Variants in IPP observed in about 807,000 individuals in gnomAD.
The protein encoded by IPP is intracisternal A particle-promoted polypeptide, also known as actin-binding protein IPP.
Under a neutral mutation model 64.1 loss-of-function variants are expected in IPP, and 41 were observed. The observed-to-expected ratio is 0.64, with a 90% CI of 0.50 to 0.83. IPP has a LOEUF of 0.83. Among genes scored for constraint, IPP ranks in the 40% least tolerant of loss-of-function variants. IPP has a pLI of 0.00. For missense variants in IPP, 649 were observed against 703.0 expected (o/e 0.92, Z 0.87); for synonymous variants, 214 against 235.2 (o/e 0.91, Z 0.83).
chr1:45,724,062 G>A (rs535274858), intron 5 of IPP, among the ~76,000 whole-genome samples: 66 of 148,546 alleles, frequency 4.4e-4, no homozygotes, highest in African/African-American at 1.5e-3. Context: ...CTGCCATCTC[G>A]GCTCACTGCA....
chr1:45,732,866 T>C (rs28456069), intron 3 of IPP, among the ~76,000 whole-genome samples: 43,140 of 151,496 alleles, frequency 0.28, 6,265 homozygotes, highest in South Asian at 0.37. Flanking sequence ...AGGGTTTCAC[T>C]GTGTTAGCCA....
downstream of IPP, chr1:45,698,709 T>A (rs1013489477): frequency 2.7e-6 from 2 of 739,180 alleles, no homozygotes; most frequent in Non-Finnish European, 3.0e-6. Flanking sequence ...AAGGAAGAAT[T>A]TTTTTTTCTT....
intron 3 of IPP, among the ~76,000 whole-genome samples, chr1:45,733,270 CA>C (rs1418112222): frequency 6.6e-6 from 1 of 150,952 alleles, no homozygotes; most frequent in Non-Finnish European, 1.5e-5. Flanking sequence ...ACTAAAAATA[CA>C]AAAATTAGCC....
At chr1:45,736,956 C>T (rs1011362066) in intron 3 of IPP, among the ~76,000 whole-genome samples, 4 of 146,820 alleles carry the variant, frequency 2.7e-5, no homozygotes, top group Non-Finnish European at 5.9e-5. Context: ...GGCAGGAGAA[C>T]GGCATGAACC....
intron 4 of IPP, among the ~76,000 whole-genome samples, chr1:45,728,297 C>T (rs1020368345): frequency 3.3e-5 from 5 of 150,502 alleles, no homozygotes; most frequent in African/African-American, 7.3e-5. Flanking sequence ...CACATCCAAT[C>T]GGCAAAAAAA....
chr1:45,749,723 T>C (rs1229099858), intron 1 of IPP, among the ~76,000 whole-genome samples: 2 of 151,562 alleles, frequency 1.3e-5, no homozygotes, highest in East Asian at 3.9e-4. Flanking sequence ...GGTTTCACCG[T>C]GTTAGCCAGG....
At chr1:45,749,794 A>G (rs1406665722) in intron 1 of IPP, among the ~76,000 whole-genome samples, 2 of 152,016 alleles carry the variant, frequency 1.3e-5, no homozygotes, top group East Asian at 3.9e-4. Context: ...TGCTGGGATT[A>G]CAGGCGTGAG....
Position 45,746,222 on chromosome 1 carries a change from C to G in IPP, c.190G>C (p.Ala64Pro), listed in dbSNP as rs1376434150. Residue 64 changes from alanine (A) to proline (P), a missense_variant, in exon 2 of 9, where the codon GCT becomes CCT. Physicochemically the swap from Ala to Pro is conservative, Grantham distance 27. Transcript: ENST00000396478. ...VLAASSPYFA[A>P]LFTGGMKESS... ...TCTTTCATTCCTCCAGTGAACAAAG[C>G]TGCAAAGTAAGGACTGCTGGCAGCC... is the stretch of plus-strand genomic sequence containing the variant. The G allele has an allele frequency of 6.2e-6, 10 of 1,614,064 alleles. No individual in the cohort carries two copies. In the African/African-American group the frequency reaches 1.2e-4, roughly 19 times the overall value.
At chr1:45,714,118 G>C (rs1442409263) in intron 8 of IPP, 128 bp downstream of exon 8, 19 of 621,238 alleles carry the variant, frequency 3.1e-5, no homozygotes, top group Non-Finnish European at 5.2e-5. Flanking sequence ...TTTCTTCTTT[G>C]GAAAGAAAAA....
chr1:45,724,741 G>T (rs1645786944), intron 5 of IPP, among the ~76,000 whole-genome samples: 1 of 150,254 alleles, frequency 6.7e-6, no homozygotes, highest in Non-Finnish European at 1.5e-5. Flanking sequence ...CCCTCTGCCT[G>T]GCAACCGCCC....
intron 8 of IPP, among the ~76,000 whole-genome samples, chr1:45,708,496 T>C (rs2148551475): frequency 1.3e-5 from 2 of 149,012 alleles, no homozygotes. Context: ...CTGGCCAACA[T>C]GGTGAAACCC....
intron 8 of IPP, 119 bp from the exon 9 acceptor site, chr1:45,700,309 C>CAGGT: frequency 7.4e-7 from 1 of 1,357,572 alleles, no homozygotes. Context: ...ACTATCTAGT[C>CAGGT]AGGTAAGCAT....
intron 3 of IPP, among the ~76,000 whole-genome samples, chr1:45,736,741 T>G (rs544344060): frequency 6.6e-6 from 1 of 152,126 alleles, no homozygotes; most frequent in African/African-American, 2.4e-5. Context: ...TAAATTATAA[T>G]TTTAAAAGGC....
At chr1:45,727,187 C>T (rs1298151748) in intron 5 of IPP, among the ~76,000 whole-genome samples, 1 of 152,026 alleles carries the variant, frequency 6.6e-6, no homozygotes, top group Non-Finnish European at 1.5e-5. Context: ...GTAGCTGGGA[C>T]TACAGGAATG....
chr1:45,708,788 T>G (rs995199227), intron 8 of IPP, among the ~76,000 whole-genome samples: 7 of 151,412 alleles, frequency 4.6e-5, no homozygotes, highest in Middle Eastern at 3.4e-3. Flanking sequence ...TCCCAGCACT[T>G]TGGGAGGCCA....
At chr1:45,725,070 G>T (rs1645796405) in intron 5 of IPP, among the ~76,000 whole-genome samples, 7 of 146,378 alleles carry the variant, frequency 4.8e-5, no homozygotes, top group South Asian at 2.2e-4. Context: ...GAGGTGGGGG[G>T]GTCAGCCCCC....
chr1:45,741,506 T>A (rs1197195610), intron 2 of IPP, among the ~76,000 whole-genome samples, 174 bp from the exon 3 acceptor site: 1 of 152,130 alleles, frequency 6.6e-6, no homozygotes, highest in Non-Finnish European at 1.5e-5. Flanking sequence ...ACGATAACGA[T>A]ACCTAACACA....
intron 3 of IPP, among the ~76,000 whole-genome samples, chr1:45,739,160 G>A (rs951500309): frequency 6.6e-6 from 1 of 152,230 alleles, no homozygotes; most frequent in Non-Finnish European, 1.5e-5. Context: ...GAATTACACC[G>A]TTAATGCTTA....
intron 1 of IPP, among the ~76,000 whole-genome samples, chr1:45,748,104 G>A (rs1250917347): frequency 6.6e-6 from 1 of 151,940 alleles, no homozygotes; most frequent in Non-Finnish European, 1.5e-5. Flanking sequence ...GAGATTCGAA[G>A]GTAGCTGCTA....
Sources: allele counts gnomAD v4.1 joint callset (sites outside exome capture counted in the v4.1 genomes callset), GRCh38; gene constraint gnomAD v4.1.1; transcripts MANE v1.5; gene names NCBI Gene and HGNC (gene_info 2026-07-23, HGNC 2026-07-21).